The following GPC6 variants were observed in gnomAD, a reference collection of about 807,000 sequenced individuals.
The protein encoded by GPC6 is glypican-6.
Under a neutral mutation model 55.2 loss-of-function variants are expected in GPC6, and 14 were observed. The observed-to-expected ratio is 0.25, with a 90% confidence interval of 0.17 to 0.40. The LOEUF is 0.40. Among genes scored for constraint, GPC6 ranks in the 10% least tolerant of loss-of-function variants. The pLI, the probability that GPC6 is intolerant of heterozygous loss-of-function variation, is 1.00. For missense variants in GPC6, 641 were observed against 708.5 expected (o/e 0.90, Z 1.08); for synonymous variants, 278 against 259.6 (o/e 1.07, Z -0.68).
chr13:93,396,084 G>T (rs1294192318), intron 1 of GPC6, among the ~76,000 whole-genome samples: 1 of 151,992 alleles, frequency 6.6e-6, no homozygotes, highest in Non-Finnish European at 1.5e-5. Flanking sequence ...TTGACCTACT[G>T]GTATCAACAT....
rs534376523 is a variant in GPC6, at chr13:93,665,310, A to G, written c.319+119889A>G. Among the ~76,000 whole-genome samples the G allele has an allele frequency of 5.3e-5, 8 of 152,380 alleles. No homozygotes were observed. The South Asian group carries it at 1.7e-3, about 32-fold the overall frequency. On this transcript the variant is annotated intron_variant, in intron 2 of 8. Transcript: ENST00000377047. Reference sequence around the variant, plus strand: ...GAACTGATTTGAAATGAAGTTCAAGATATATTGATAAATGTAAAAATCAAT... The same window carrying G: ...GAACTGATTTGAAATGAAGTTCAAGGTATATTGATAAATGTAAAAATCAAT...
chr13:93,548,696 T>A (rs1566417862), intron 2 of GPC6, among the ~76,000 whole-genome samples: 1 of 152,132 alleles, frequency 6.6e-6, no homozygotes, highest in African/African-American at 2.4e-5. Flanking sequence ...TAAAGTGGAA[T>A]CAGTACGAGT....
chr13:93,985,138 A>G (rs757224800), intron 3 of GPC6, among the ~76,000 whole-genome samples: 3 of 152,166 alleles, frequency 2.0e-5, no homozygotes, highest in Middle Eastern at 3.4e-3. Flanking sequence ...AGCCAGAAGT[A>G]AAAAAAGAGG....
intron 1 of GPC6, among the ~76,000 whole-genome samples, chr13:93,236,133 G>A (rs1876225236): frequency 6.6e-6 from 1 of 152,196 alleles, no homozygotes; most frequent in African/African-American, 2.4e-5. Flanking sequence ...CCTGTACCTA[G>A]AAGGGAAGGC....
intron 4 of GPC6, among the ~76,000 whole-genome samples, chr13:94,178,243 C>A (rs903817015): frequency 6.6e-6 from 1 of 152,014 alleles, no homozygotes; most frequent in African/African-American, 2.4e-5. Flanking sequence ...GTGATCTGCC[C>A]ACCTTGGCCT....
At chr13:94,336,490 T>C (rs1276868894) in intron 6 of GPC6, among the ~76,000 whole-genome samples, 2 of 152,188 alleles carry the variant, frequency 1.3e-5, no homozygotes, top group Non-Finnish European at 2.9e-5. Context: ...GTCTAGGTCA[T>C]ATTTTACTTC....
intron 2 of GPC6, among the ~76,000 whole-genome samples, chr13:93,641,228 C>A (rs1351037878): frequency 1.3e-5 from 2 of 151,864 alleles, no homozygotes; most frequent in African/African-American, 4.8e-5. Context: ...TTGTGTCCCA[C>A]TCCTCATCCC....
intron 2 of GPC6, among the ~76,000 whole-genome samples, chr13:93,680,347 T>G (rs111597954): frequency 9.2e-5 from 14 of 152,288 alleles, no homozygotes; most frequent in African/African-American, 3.1e-4. Flanking sequence ...ACACCTTGCT[T>G]TTGGACTTCT....
intron 2 of GPC6, among the ~76,000 whole-genome samples, chr13:93,751,025 A>G (rs1402523477): frequency 6.6e-6 from 1 of 152,098 alleles, no homozygotes; most frequent in African/African-American, 2.4e-5. Flanking sequence ...AAGCCTACTT[A>G]ATTACTCTCT....
At chr13:93,497,963 C>G (rs954041363) in intron 1 of GPC6, among the ~76,000 whole-genome samples, 12 of 152,310 alleles carry the variant, frequency 7.9e-5, no homozygotes, top group African/African-American at 2.9e-4. Flanking sequence ...TTGGGGTAGA[C>G]TGTGCTCAAA....
chr13:94,106,360 C>T (rs1306550820), intron 4 of GPC6, among the ~76,000 whole-genome samples: 1 of 152,140 alleles, frequency 6.6e-6, no homozygotes, highest in Non-Finnish European at 1.5e-5. Flanking sequence ...AAAAGTTTCT[C>T]TACATTATGA....
intron 2 of GPC6, among the ~76,000 whole-genome samples, chr13:93,646,838 G>A (rs1055230455): frequency 6.7e-5 from 10 of 148,946 alleles, no homozygotes; most frequent in African/African-American, 2.5e-4. Context: ...AGATTTTTTG[G>A]TTCCGTGTTA....
At chr13:94,027,525 C>T (rs1330539795) in intron 3 of GPC6, among the ~76,000 whole-genome samples, 1 of 151,818 alleles carries the variant, frequency 6.6e-6, no homozygotes, top group African/African-American at 2.4e-5. Context: ...ACAATGACAT[C>T]GATATGAAAA....
chr13:93,386,499 C>G (rs1299620797), intron 1 of GPC6, among the ~76,000 whole-genome samples: 1 of 152,076 alleles, frequency 6.6e-6, no homozygotes, highest in Non-Finnish European at 1.5e-5. Flanking sequence ...TAGTAACTTG[C>G]AGGAAACATT....
intron 7 of GPC6, among the ~76,000 whole-genome samples, chr13:94,387,730 T>TTCTCTCTCTCTCTCTCTCTCCCTC (rs1880469353): frequency 7.1e-6 from 1 of 141,154 alleles, no homozygotes; most frequent in Admixed American, 7.1e-5. Flanking sequence ...AGACATGAGT[T>TTCTCTCTCTCTCTCTCTCTCCCTC]TCTCTCTCTC....
chr13:93,961,847 GGCAATT>G (rs1486793927), intron 3 of GPC6, among the ~76,000 whole-genome samples: 1 of 151,856 alleles, frequency 6.6e-6, no homozygotes, highest in African/African-American at 2.4e-5. Context: ...AGAGATTTTA[GGCAATT>G]GCCAAGGTGT....
intron 7 of GPC6, among the ~76,000 whole-genome samples, chr13:94,384,621 T>C (rs1378934024): frequency 6.6e-6 from 1 of 152,172 alleles, no homozygotes; most frequent in African/African-American, 2.4e-5. Flanking sequence ...ATGGGGAATA[T>C]AAAGACCACT....
intron 2 of GPC6, among the ~76,000 whole-genome samples, chr13:93,630,165 A>G (rs775373909): frequency 2.6e-5 from 4 of 152,256 alleles, no homozygotes; most frequent in Admixed American, 6.5e-5. Context: ...TTGACTGTGC[A>G]TATGACATAA....
intron 1 of GPC6, among the ~76,000 whole-genome samples, chr13:93,306,645 T>C (rs192463279): frequency 3.9e-5 from 6 of 152,176 alleles, no homozygotes; most frequent in African/African-American, 7.2e-5. Context: ...ATATCCTAGA[T>C]AGTCATATGA....
Sources: allele counts gnomAD v4.1 joint callset (sites outside exome capture counted in the v4.1 genomes callset), GRCh38; gene constraint gnomAD v4.1.1; transcripts MANE v1.5; gene names NCBI Gene and HGNC (gene_info 2026-07-23, HGNC 2026-07-21).